Variants in SFXN3 observed in about 807,000 individuals in gnomAD.
The protein encoded by SFXN3 is sideroflexin-3.
A neutral mutation model predicts 40.4 loss-of-function variants in SFXN3; 31 were observed. The ratio of observed to expected loss-of-function variants is 0.77; its 90% confidence interval spans 0.58 to 1.04. The LOEUF (loss-of-function observed/expected upper bound fraction) is 1.04, where lower values mean the gene tolerates loss of function less well. SFXN3 is among the 50% of genes least tolerant of loss of function. SFXN3 has a pLI of 0.00. For missense variants in SFXN3, 366 were observed against 408.2 expected, an observed-to-expected ratio of 0.90 and a Z score of 0.89; for synonymous variants, 157 against 160.0, an observed-to-expected ratio of 0.98 and a Z score of 0.14.
rs1184977947 is a variant in SFXN3 at position 101,039,074 on chromosome 10, C to T, written c.822-101C>T. 2.9e-6 allele frequency: 3 copies of T among 1,024,146 alleles called. No homozygotes were observed. The East Asian group carries it at 7.2e-5, about 25-fold the overall frequency. The allele number at this position is 1,024,146 out of a possible 1,614,324, so 63.4% of individuals were successfully genotyped here. ...AAAGGTCCTTTCAGCTTTTATCAATCTCCACCCCTAGGGCCTATCTCCAAG... is the reference window on the plus strand; with the variant it reads ...AAAGGTCCTTTCAGCTTTTATCAATTTCCACCCCTAGGGCCTATCTCCAAG... On this transcript the variant is annotated intron_variant, in intron 10 of 11. Transcript: ENST00000393459. The surrounding 1 kb of genome is among the most constrained non-coding windows in gnomAD (Gnocchi z 4.6).
intron 9 of SFXN3, 56 bp from the exon 10 acceptor site, chr10:101,038,587 G>A: frequency 6.2e-7 from 1 of 1,613,540 alleles, no homozygotes; most frequent in Non-Finnish European, 8.5e-7. Context: ...GGTGAAATGG[G>A]GTGACAGTGA....
intron 9 of SFXN3, 25 bp downstream of exon 9, chr10:101,037,456 C>G: frequency 6.2e-7 from 1 of 1,614,218 alleles, no homozygotes; most frequent in Non-Finnish European, 8.5e-7. Context: ...CTCTCTTGTC[C>G]TGGAATGGGC....
chr10:101,036,611 C>A lies in SFXN3; in HGVS notation c.507+50C>A. 6.2e-7 allele frequency: 1 copy of A among 1,613,262 alleles called. No individual in the cohort carries two copies. On this transcript the variant is annotated intron_variant, in intron 6 of 11. Coordinates refer to ENST00000393459, the Ensembl canonical transcript of SFXN3. This position sits in a 1 kb window ranked among gnomAD's most constrained non-coding sequence, Gnocchi z 4.2. ...CACCCCATTCATCCTCTATCTGCCTCCTTCTTCCTCATCACACCTCCAGTT... is the reference window on the plus strand; with the variant it reads ...CACCCCATTCATCCTCTATCTGCCTACTTCTTCCTCATCACACCTCCAGTT...
rs1938783692 is a variant in SFXN3, at chr10:101,039,291, A to AGG, written c.869+71_869+72dup. 7.0e-7 allele frequency: 1 copy of AGG among 1,419,782 alleles called. No homozygotes were observed. Among genetic ancestry groups the AGG allele is most frequent in the African/African-American group, 1.4e-5 (1 of 70,430 alleles). 87.9% of individuals were successfully genotyped at this position (1,419,782 alleles called of 1,614,324 possible). Reference sequence around the variant, plus strand: ...TCTGCATCTCTGGACCAGCTGACCTAGGGTCTTCCAGGGTGTTCAGGAGGA... The same window carrying AGG: ...TCTGCATCTCTGGACCAGCTGACCTAGGGGGTCTTCCAGGGTGTTCAGGAGGA... On this transcript the variant is annotated intron_variant, in intron 11 of 11. Coordinates refer to ENST00000393459, the Ensembl canonical transcript of SFXN3. This position sits in a 1 kb window ranked among gnomAD's most constrained non-coding sequence, Gnocchi z 4.6.
chr10:101,036,648 G>A lies in SFXN3; in HGVS notation c.508-75G>A. 1.9e-6 allele frequency: 3 copies of A among 1,610,338 alleles called. No homozygotes were observed. The highest frequency in any genetic ancestry group is 2.5e-6 in the Non-Finnish European group (3 of 1,177,480). On this transcript the variant is annotated intron_variant, in intron 6 of 11. Coordinates refer to ENST00000393459, the Ensembl canonical transcript of SFXN3. The surrounding 1 kb of genome is among the most constrained non-coding windows in gnomAD (Gnocchi z 4.2). ...TCACACCTCCAGTTCTGACCTATAT[G>A]CCCCCTATATCTCCCCAGAGTCCCT...
At chr10:101,033,338 G>A (rs1388118423) in intron 2 of SFXN3, among the ~76,000 whole-genome samples, 2 of 152,184 alleles carry the variant, frequency 1.3e-5, no homozygotes, top group Non-Finnish European at 2.9e-5. Flanking sequence ...TGGCTGGGAT[G>A]TTTGTTGCTG....
At position 101,039,246 on chromosome 10, in the gene SFXN3, TG is replaced by T. The variant is rs753501634; in HGVS notation, c.869+29del. On this transcript the variant is annotated intron_variant, in intron 11 of 11. Transcript: ENST00000393459. This position sits in a 1 kb window ranked among gnomAD's most constrained non-coding sequence, Gnocchi z 4.6. ...AGGTAAGTGCTGTCCCTGGGCTGGG[TG>T]GGGGACTCTGGATTGGACTCTGCAT... The T allele has an allele frequency of 1.3e-6, 2 of 1,591,126 alleles. No homozygotes were observed. Among genetic ancestry groups the T allele is most frequent in the Non-Finnish European group, 1.7e-6 (2 of 1,166,862 alleles).
intron 9 of SFXN3, chr10:101,038,166 G>C (rs1468312929): frequency 1.8e-6 from 1 of 545,346 alleles, no homozygotes; most frequent in African/African-American, 2.0e-5. Context: ...ACAGAAAACA[G>C]TCAGTGCAAG....
rs1033120934 is a variant in SFXN3, at chr10:101,039,179, G to A, written c.826G>A (p.Val276Ile). Residue 276 changes from valine to isoleucine, a missense_variant, in exon 11 of 12, where the codon GTA becomes ATA. Transcript: ENST00000393459. The surrounding 1 kb of genome is among the most constrained non-coding windows in gnomAD (Gnocchi z 4.6). The stretch of plus-strand genomic sequence containing the variant: ...TCCAACACTTGTCTCCCCCAGCCTG[G>A]TATTTGCAACCCCCCTGTGCTGTGC... 7 of 1,610,892 alleles carry A rather than the reference G, an allele frequency of 4.3e-6. No individual in the cohort carries two copies. Among genetic ancestry groups the A allele is most frequent in the African/African-American group, 1.3e-5 (1 of 74,824 alleles).
chr10:101,036,905 C>A lies in SFXN3; in HGVS notation c.593+97C>A. On this transcript the variant is annotated intron_variant, in intron 7 of 11. Transcript: ENST00000393459. The surrounding 1 kb of genome is among the most constrained non-coding windows in gnomAD (Gnocchi z 4.2). ...AGAATGGGGACATCCCTCTCCCTCC[C>A]CAGACATGAGCTGCTGGGCCCTGGC... The A allele has an allele frequency of 6.5e-7, 1 of 1,533,108 alleles. No individual in the cohort carries two copies. Among genetic ancestry groups the A allele is most frequent in the South Asian group, 1.2e-5 (1 of 80,768 alleles). The allele number at this position is 1,533,108 out of a possible 1,614,324, so 95.0% of individuals were successfully genotyped here.
At chr10:101,033,504 C>G (rs369911006) in intron 2 of SFXN3, among the ~76,000 whole-genome samples, 229 of 152,266 alleles carry the variant, frequency 1.5e-3, no homozygotes, top group Non-Finnish European at 2.3e-3. Context: ...GAAACAGCTC[C>G]TCCCCACACC....
intron 8 of SFXN3, 63 bp downstream of exon 8, chr10:101,037,266 G>A: frequency 1.2e-6 from 2 of 1,613,496 alleles, no homozygotes; most frequent in South Asian, 2.2e-5. Context: ...CAGTTCTCAG[G>A]GACTTTGGAG....
Position 101,037,442 on chromosome 10 carries a change from G to C in SFXN3, c.771+11G>C. 6.2e-7 allele frequency: 1 copy of C among 1,614,214 alleles called. No homozygotes were observed. The highest frequency in any genetic ancestry group is 8.5e-7 in the Non-Finnish European group (1 of 1,180,036). ...AAAGACTTCCTGAAGGTAGGCGACTGTACCTCTCTTGTCCTGGAATGGGCG... is the reference window on the plus strand; with the variant it reads ...AAAGACTTCCTGAAGGTAGGCGACTCTACCTCTCTTGTCCTGGAATGGGCG... On this transcript the variant is annotated intron_variant, in intron 9 of 11. Coordinates refer to ENST00000393459, the Ensembl canonical transcript of SFXN3.
chr10:101,035,818 C>G, intron 4 of SFXN3, 151 bp downstream of exon 4: 1 of 1,188,798 alleles, frequency 8.4e-7, no homozygotes, highest in Non-Finnish European at 1.2e-6. Context: ...GGTCTCTCAC[C>G]CCAGAGACAG....
At position 101,032,497 on chromosome 10, in the gene SFXN3, T is replaced by C; in HGVS notation, c.-4+15T>C. ...CGATGGAAAGCGTAAGTGCTCGCTCTCCCCGGCGGGCGGGGTTCTGGAATG... is the reference window on the plus strand; with the variant it reads ...CGATGGAAAGCGTAAGTGCTCGCTCCCCCCGGCGGGCGGGGTTCTGGAATG... On this transcript the variant is annotated intron_variant, in intron 2 of 11. Coordinates refer to ENST00000393459, the Ensembl canonical transcript of SFXN3. 1.3e-6 allele frequency: 2 copies of C among 1,536,104 alleles called. No individual in the cohort carries two copies. The highest frequency in any genetic ancestry group is 2.0e-5 in the Admixed American group (1 of 48,792).
chr10:101,032,406 T>C lies in SFXN3; in HGVS notation c.-80T>C. 2 of 1,468,018 alleles carry C rather than the reference T, an allele frequency of 1.4e-6. No homozygotes were observed. The highest frequency in any genetic ancestry group is 2.5e-5 in the Admixed American group (1 of 40,654). 90.9% of individuals were successfully genotyped at this position (1,468,018 alleles called of 1,614,324 possible). A position where few individuals can be genotyped will look rare whatever the true frequency, so the allele number is the denominator to read the frequency against. On this transcript the variant is annotated 5_prime_UTR_variant, in exon 2 of 12. The change abolishes an upstream ATG in the 5' untranslated region. Transcript: ENST00000393459. ...GCGTCACGCGTGACGTCCCGCGTGATGGCTGGGAGGGCCCGGCGGCGACAG... is the reference window on the plus strand; with the variant it reads ...GCGTCACGCGTGACGTCCCGCGTGACGGCTGGGAGGGCCCGGCGGCGACAG...
Position 101,032,418 on chromosome 10 carries a change from C to A in SFXN3, c.-68C>A. 4.7e-6 allele frequency: 7 copies of A among 1,496,802 alleles called. No homozygotes were observed. The South Asian group carries it at 7.6e-5, about 16-fold the overall frequency. The allele number at this position is 1,496,802 out of a possible 1,614,324, so 92.7% of individuals were successfully genotyped here. On this transcript the variant is annotated 5_prime_UTR_variant, in exon 2 of 12. Coordinates refer to ENST00000393459, the Ensembl canonical transcript of SFXN3. ...ACGTCCCGCGTGATGGCTGGGAGGG[C>A]CCGGCGGCGACAGCGGAGGCAGAGA...
In SFXN3 at chr10:101,036,614, T is replaced by C; in HGVS notation, c.507+53T>C. 15 of 1,613,074 alleles carry C rather than the reference T, an allele frequency of 9.3e-6. No individual in the cohort carries two copies. In the South Asian group the frequency reaches 1.5e-4, roughly 17 times the overall value. On this transcript the variant is annotated intron_variant, in intron 6 of 11. Transcript: ENST00000393459. The surrounding 1 kb of genome is among the most constrained non-coding windows in gnomAD (Gnocchi z 4.2). ...CCCATTCATCCTCTATCTGCCTCCT[T>C]CTTCCTCATCACACCTCCAGTTCTG...
Position 101,036,671 on chromosome 10 carries a change from C to G in SFXN3, c.508-52C>G. ...ATGCCCCCTATATCTCCCCAGAGTCCCTCACCACCCCATGGCCCTTAGGGC... is the reference window on the plus strand; with the variant it reads ...ATGCCCCCTATATCTCCCCAGAGTCGCTCACCACCCCATGGCCCTTAGGGC... On this transcript the variant is annotated intron_variant, in intron 6 of 11. Transcript: ENST00000393459. The surrounding 1 kb of genome is among the most constrained non-coding windows in gnomAD (Gnocchi z 4.2). 6.2e-7 allele frequency: 1 copy of G among 1,606,466 alleles called. No individual in the cohort carries two copies. The highest frequency in any genetic ancestry group is 1.7e-5 in the Admixed American group (1 of 59,816).
Sources: allele counts gnomAD v4.1 joint callset (sites outside exome capture counted in the v4.1 genomes callset), GRCh38; gene constraint gnomAD v4.1.1; non-coding constraint Gnocchi (gnomAD v3.1); transcripts MANE v1.5; gene names NCBI Gene and HGNC (gene_info 2026-07-23, HGNC 2026-07-21).